Variants in RYR2 observed in about 807,000 individuals in gnomAD.
RYR2 encodes the protein cardiac muscle ryanodine receptor-calcium release channel.
In RYR2, 227 loss-of-function variants were observed where a neutral mutation model predicts 601.1. That is an observed-to-expected ratio of 0.38 (90% CI 0.34 to 0.42). RYR2 has a LOEUF of 0.42. Among genes scored for constraint, RYR2 ranks in the 10% least tolerant of loss-of-function variants. RYR2 has a pLI of 1.00. For synonymous variants in RYR2, 2,223 were observed against 2,175.1 expected (o/e 1.02, Z -0.61); for missense variants, 4,646 against 6,156.5 (o/e 0.75, Z 8.21).
At chr1:237,457,819 C>G (rs570307567) in intron 16 of RYR2, among the ~76,000 whole-genome samples, 96 of 152,274 alleles carry the variant, frequency 6.3e-4, no homozygotes, top group African/African-American at 1.8e-3. Context: ...CTTTCTCTAC[C>G]CTAACCCTCG....
At chr1:237,117,705 CT>C (rs1486850758) in intron 1 of RYR2, among the ~76,000 whole-genome samples, 1 of 128,926 alleles carries the variant, frequency 7.8e-6, no homozygotes, top group Non-Finnish European at 1.7e-5. Flanking sequence ...CTCTTCTCTT[CT>C]CTTCTCTTCT....
Position 237,789,290 on chromosome 1 carries a change from G to A in RYR2, c.13476+1155G>A, listed in dbSNP as rs1287745782. Among the ~76,000 whole-genome samples the A allele has an allele frequency of 4.6e-5, 7 of 152,170 alleles. No individual in the cohort carries two copies. The South Asian group carries it at 6.2e-4, about 14-fold the overall frequency. Reference sequence around the variant, plus strand: ...TAGAATTTCACCTATAAGGAAAGTGGACTGTCCTCAGTAATTATATATTCT... The same window carrying A: ...TAGAATTTCACCTATAAGGAAAGTGAACTGTCCTCAGTAATTATATATTCT... On this transcript the variant is annotated intron_variant, in intron 92 of 104. Transcript: ENST00000366574.
chr1:237,263,530 G>T (rs912508930), intron 1 of RYR2, among the ~76,000 whole-genome samples: 2 of 152,152 alleles, frequency 1.3e-5, no homozygotes, highest in Non-Finnish European at 2.9e-5. Flanking sequence ...TCTGTTCCTT[G>T]TTATTAAATA....
chr1:237,049,069 A>C (rs1394332987), intron 1 of RYR2, among the ~76,000 whole-genome samples: 4 of 152,096 alleles, frequency 2.6e-5, no homozygotes, highest in Admixed American at 2.6e-4. Flanking sequence ...AGGCCAGGTG[A>C]TGATTGCTGC....
chr1:237,191,148 G>A (rs1679925926), intron 1 of RYR2, among the ~76,000 whole-genome samples: 1 of 152,238 alleles, frequency 6.6e-6, no homozygotes, highest in African/African-American at 2.4e-5. Context: ...AGTTTTCCCA[G>A]CACCATTTTG....
At chr1:237,664,915 T>A (rs1411876433) in intron 56 of RYR2, among the ~76,000 whole-genome samples, 3 of 152,216 alleles carry the variant, frequency 2.0e-5, no homozygotes, top group African/African-American at 7.2e-5. Flanking sequence ...TCACTACAAC[T>A]GTATGGGAAC....
At chr1:237,555,890 A>T (rs1196759707) in intron 27 of RYR2, among the ~76,000 whole-genome samples, 6 of 152,186 alleles carry the variant, frequency 3.9e-5, no homozygotes, top group Non-Finnish European at 7.4e-5. Flanking sequence ...TCCCCTGCAC[A>T]TAGAAATATG....
At chr1:237,799,096 A>AACTT (rs1418139891) in intron 97 of RYR2, among the ~76,000 whole-genome samples, 2 of 152,180 alleles carry the variant, frequency 1.3e-5, no homozygotes, top group African/African-American at 4.8e-5. Flanking sequence ...TCTATCTGAA[A>AACTT]ACTTATTAAG....
Position 237,043,097 on chromosome 1 carries a change from A to C in RYR2, c.48+528A>C, listed in dbSNP as rs551513989. Among the ~76,000 whole-genome samples, 321 of 152,328 alleles carry C rather than the reference A, an allele frequency of 2.1e-3. 1 individual carries two copies. Among genetic ancestry groups the C allele is most frequent in the African/African-American group, 7.4e-3 (307 of 41,582 alleles). Reference sequence around the variant, plus strand: ...AGACGTTGGTTCGCTTACTCCGTGTAGCGTGCGGCGCAGCTGACCGGGGGC... The same window carrying C: ...AGACGTTGGTTCGCTTACTCCGTGTCGCGTGCGGCGCAGCTGACCGGGGGC... On this transcript the variant is annotated intron_variant, in intron 1 of 104. Coordinates refer to ENST00000366574, the MANE Select transcript of RYR2 (RefSeq NM_001035.3).
At position 237,610,777 on chromosome 1, in the gene RYR2, T is replaced by C. The variant is rs1677756998; in HGVS notation, c.4699T>C (p.Ser1567Pro). Residue 1567 changes from serine to proline, a missense_variant, in exon 36 of 105, where the codon TCG (serine) becomes CCG (proline). Around this residue, in one of 17 missense-constraint regions of RYR2, gnomAD observed 1,807 missense variants for 2,088.1 expected, o/e 0.87. Transcript: ENST00000366574. This position sits in a 1 kb window ranked among gnomAD's most constrained non-coding sequence, Gnocchi z 4.9. The part of the protein sequence containing the change: ...LGRIKNVMPL[S>P]AGLFKSEHKN... ...CATCCGCTAGAATGTGATGCCTCTC[T>C]CGGCGGGATTATTCAAGAGTGAGCA... 3.1e-6 allele frequency: 5 copies of C among 1,604,870 alleles called. No homozygotes were observed. The highest frequency in any genetic ancestry group is 4.3e-6 in the Non-Finnish European group (5 of 1,175,956).
At chr1:237,253,982 G>C (rs921350252) in intron 1 of RYR2, among the ~76,000 whole-genome samples, 1 of 152,144 alleles carries the variant, frequency 6.6e-6, no homozygotes, top group African/African-American at 2.4e-5. Context: ...TTTTTCAAAA[G>C]CACATCTATG....
Position 237,440,325 on chromosome 1 carries a change from C to T in RYR2, c.1006-994C>T, listed in dbSNP as rs543121915. Among the ~76,000 whole-genome samples, 50 of 152,022 alleles carry T rather than the reference C, an allele frequency of 3.3e-4. 1 individual carries two copies. The South Asian group carries it at 0.01, about 31-fold the overall frequency. ...TAATTCTAAATAAAAGTCATAAGAC[C>T]AAAGACATAGAAGACACGTAAAGTA... On this transcript the variant is annotated intron_variant, in intron 12 of 104. Transcript: ENST00000366574.
At chr1:237,383,414 C>CTTTTT (rs1558724426) in intron 8 of RYR2, among the ~76,000 whole-genome samples, 2 of 64,782 alleles carry the variant, frequency 3.1e-5, no homozygotes, top group South Asian at 5.0e-4. Flanking sequence ...TTTCTTTTTT[C>CTTTTT]TTGTTTTTTT....
intron 1 of RYR2, among the ~76,000 whole-genome samples, chr1:237,269,134 C>T (rs1251107960): frequency 1.3e-5 from 2 of 149,108 alleles, no homozygotes; most frequent in Admixed American, 1.3e-4. Context: ...CCTCCGCCTC[C>T]CAGGTTAAAG....
At chr1:237,068,092 T>A (rs528925205) in intron 1 of RYR2, among the ~76,000 whole-genome samples, 1 of 150,092 alleles carries the variant, frequency 6.7e-6, no homozygotes, top group South Asian at 2.1e-4. Flanking sequence ...CACTTTCTCA[T>A]CATGTCAATC....
intron 27 of RYR2, among the ~76,000 whole-genome samples, chr1:237,563,841 C>A (rs2148220369): frequency 6.6e-6 from 1 of 152,044 alleles, no homozygotes; most frequent in East Asian, 1.9e-4. Flanking sequence ...TTTGTGAAGT[C>A]TTGATATATT....
intron 1 of RYR2, among the ~76,000 whole-genome samples, chr1:237,256,910 A>T (rs993735762): frequency 6.6e-6 from 1 of 152,116 alleles, no homozygotes; most frequent in South Asian, 2.1e-4. Flanking sequence ...TTACCTATTC[A>T]TGATATAGCC....
chr1:237,349,953 TTAAA>T (rs1698616017), intron 3 of RYR2, among the ~76,000 whole-genome samples: 1 of 152,122 alleles, frequency 6.6e-6, no homozygotes, highest in Non-Finnish European at 1.5e-5. Context: ...ATTGTGTACC[TTAAA>T]TAAATGAACT....
intron 63 of RYR2, among the ~76,000 whole-genome samples, chr1:237,694,020 T>C (rs768348292): frequency 2.4e-4 from 37 of 152,128 alleles, no homozygotes; most frequent in Admixed American, 1.2e-3. Context: ...ATTGGCCGGG[T>C]GCGGTGGCTC....
Sources: allele counts gnomAD v4.1 joint callset (sites outside exome capture counted in the v4.1 genomes callset), GRCh38; gene constraint gnomAD v4.1.1; regional missense constraint gnomAD v4.1.1; non-coding constraint Gnocchi (gnomAD v3.1); transcripts MANE v1.5; gene names NCBI Gene and HGNC (gene_info 2026-07-23, HGNC 2026-07-21).